Variants in VPS4B observed in about 807,000 individuals in gnomAD.
VPS4B encodes the protein vacuolar protein sorting 4 homolog B.
In VPS4B, 23 loss-of-function variants were observed where a neutral mutation model predicts 56.1. The ratio of observed to expected loss-of-function variants is 0.41; its 90% CI spans 0.30 to 0.58. The LOEUF (loss-of-function observed/expected upper bound fraction) is 0.58, where lower values mean the gene tolerates loss of function less well. VPS4B is among the 20% of genes least tolerant of loss of function. The probability of loss-of-function intolerance (pLI) is 0.29; values close to 1 mark genes in which losing one functional copy is unlikely to be tolerated. For missense variants in VPS4B, 372 were observed against 531.9 expected (o/e 0.70, Z 2.96); for synonymous variants, 177 against 186.0 (o/e 0.95, Z 0.39).
rs1317941592 is a variant in VPS4B, at chr18:63,389,502, CTT to C, written c.*1471_*1472del. On this transcript the variant is annotated 3_prime_UTR_variant, in exon 11 of 11. Transcript: ENST00000238497. ...AATTAGGGAATCTAGTTCATCCTAA[CTT>C]AATAGTCTTTTGCATGTATAGACAA... is the stretch of plus-strand genomic sequence containing the variant. 2.6e-5 allele frequency: 4 copies of C among 152,654 alleles called. No homozygotes were observed. The highest frequency in any genetic ancestry group is 5.9e-5 in the Non-Finnish European group (4 of 68,038). The allele number at this position is 152,654 out of a possible 1,614,324, so 9.5% of individuals were successfully genotyped here.
At position 63,396,889 on chromosome 18, in the gene VPS4B, C is replaced by A. The variant is rs1023164223; in HGVS notation, c.1092+145G>T. On this transcript the variant is annotated intron_variant, in intron 9 of 10. Transcript: ENST00000238497. ...CCTGTAATTCCAGCTACTCAGGAGG[C>A]TAAGGCATGAGAATTGCTTGAACCC... 4.3e-6 allele frequency: 3 copies of A among 703,630 alleles called. No individual in the cohort carries two copies. In the Admixed American group the frequency reaches 8.2e-5, roughly 19 times the overall value. 43.6% of individuals were successfully genotyped at this position (703,630 alleles called of 1,614,324 possible). A position where few individuals can be genotyped will look rare whatever the true frequency, so the allele number is the denominator to read the frequency against.
intron 1 of VPS4B, chr18:63,416,182 G>T: frequency 5.5e-6 from 1 of 180,624 alleles, no homozygotes; most frequent in South Asian, 1.4e-4. Flanking sequence ...CCACATCTAA[G>T]ACAAACTTGC....
intron 9 of VPS4B, among the ~76,000 whole-genome samples, chr18:63,394,223 A>C (rs1915619621): frequency 6.6e-6 from 1 of 152,228 alleles, no homozygotes; most frequent in African/African-American, 2.4e-5. Flanking sequence ...AAAAATTCTC[A>C]GAAGTTGCTC....
At chr18:63,396,771 C>G (rs1415616757) in intron 9 of VPS4B, 3 of 387,830 alleles carry the variant, frequency 7.7e-6, no homozygotes, top group Admixed American at 4.1e-5. Flanking sequence ...GGTGGATCAC[C>G]TGGAGTCAGG....
In VPS4B at chr18:63,404,954, G is replaced by A. The variant is rs146880126; in HGVS notation, c.365-1128C>T. ...AGTAAGAAAAAAGTAAATTCATTTC[G>A]TCTTTTTTATGTTTCATTAAGATTA... On this transcript the variant is annotated intron_variant, in intron 4 of 10. Transcript: ENST00000238497. Among the ~76,000 whole-genome samples the A allele has an allele frequency of 2.3e-3, 345 of 151,930 alleles. 6 individuals carry two copies. The highest frequency in any genetic ancestry group is 7.5e-3 in the East Asian group (39 of 5,178).
At chr18:63,407,598 G>A in intron 3 of VPS4B, 99 bp from the exon 4 acceptor site, 2 of 881,834 alleles carry the variant, frequency 2.3e-6, no homozygotes, top group African/African-American at 1.7e-5. Flanking sequence ...TAATTTCAGT[G>A]GCAAAATCAG....
rs946042521 is a variant in VPS4B, at chr18:63,410,397, T to C, written c.189A>G (p.Thr63=). The change falls in exon 3 of 11, where the codon ACA becomes ACG. Residue 63 remains threonine (T), a synonymous_variant. Transcript: ENST00000238497. The part of the protein sequence containing the change: ...KAKQSIRAKC[T]EYLDRAEKLK... Reference sequence around the variant, plus strand: ...GTTTTTCTGCTCTATCAAGATATTCTGTACACTTTGCCCTGATACTTTGCT... The same window carrying C: ...GTTTTTCTGCTCTATCAAGATATTCCGTACACTTTGCCCTGATACTTTGCT... 3.1e-6 allele frequency: 5 copies of C among 1,613,776 alleles called. No individual in the cohort carries two copies. The African/African-American group carries it at 6.7e-5, about 22-fold the overall frequency.
At chr18:63,399,663 A>T (rs1915766784) in intron 7 of VPS4B, among the ~76,000 whole-genome samples, 2 of 149,516 alleles carry the variant, frequency 1.3e-5, no homozygotes, top group Admixed American at 1.3e-4. Context: ...GAATACATTA[A>T]ATCTCTTTTC....
chr18:63,391,878 C>CA (rs1217056644), intron 10 of VPS4B, among the ~76,000 whole-genome samples: 1 of 152,016 alleles, frequency 6.6e-6, no homozygotes, highest in East Asian at 1.9e-4. Flanking sequence ...ATGCTAATAT[C>CA]AGAGATTCAT....
chr18:63,407,012 ACAAAATAAACCAT>A, intron 4 of VPS4B, among the ~76,000 whole-genome samples: 1 of 152,372 alleles, frequency 6.6e-6, no homozygotes, highest in South Asian at 2.1e-4. Context: ...CAGTTAAGAA[ACAAAATAAACCAT>A]CAATAAGTGA....
Position 63,390,797 on chromosome 18 carries a change from G to A in VPS4B, c.*178C>T. On this transcript the variant is annotated 3_prime_UTR_variant, in exon 11 of 11. Coordinates refer to ENST00000238497, the MANE Select transcript of VPS4B (RefSeq NM_004869.4). ...GTTATTTTGTACCTTTTGTTAATAG[G>A]AGTATTTAATAAGTAATGGAGGAAA... 2.1e-6 allele frequency: 1 copy of A among 469,328 alleles called. No homozygotes were observed. Among genetic ancestry groups the A allele is most frequent in the East Asian group, 3.7e-5 (1 of 27,008 alleles). 29.1% of individuals were successfully genotyped at this position (469,328 alleles called of 1,614,324 possible). A position where few individuals can be genotyped will look rare whatever the true frequency, so the allele number is the denominator to read the frequency against.
At chr18:63,422,197 C>T in intron 1 of VPS4B, 36 bp downstream of exon 1, 1 of 1,474,988 alleles carries the variant, frequency 6.8e-7, no homozygotes, top group Non-Finnish European at 9.0e-7. Context: ...CCCTCGATCC[C>T]AGCTCCCTAG....
chr18:63,414,528 A>C (rs1032960317), intron 1 of VPS4B, among the ~76,000 whole-genome samples: 12 of 151,978 alleles, frequency 7.9e-5, no homozygotes, highest in Non-Finnish European at 1.6e-4. Flanking sequence ...TCTGCCTCCC[A>C]GGTTCATGTG....
intron 1 of VPS4B, among the ~76,000 whole-genome samples, chr18:63,412,774 G>A (rs530929917): frequency 6.6e-6 from 1 of 152,208 alleles, no homozygotes; most frequent in Middle Eastern, 3.4e-3. Flanking sequence ...TGATCATCCT[G>A]CATCAGCCTC....
At chr18:63,421,338 T>C (rs906553319) in intron 1 of VPS4B, among the ~76,000 whole-genome samples, 1 of 152,172 alleles carries the variant, frequency 6.6e-6, no homozygotes, top group Non-Finnish European at 1.5e-5. Flanking sequence ...CCATTACCTT[T>C]GATGCCTCTG....
intron 2 of VPS4B, 150 bp from the exon 3 acceptor site, chr18:63,410,596 C>G: frequency 9.3e-7 from 1 of 1,070,238 alleles, no homozygotes; most frequent in South Asian, 1.5e-5. Flanking sequence ...CAATGATTAT[C>G]ACCTCTTTTC....
chr18:63,417,576 T>C (rs1252776716), intron 1 of VPS4B, among the ~76,000 whole-genome samples: 1 of 152,038 alleles, frequency 6.6e-6, no homozygotes, highest in African/African-American at 2.4e-5. Flanking sequence ...CTGGGACTCA[T>C]TTCTCTCTGT....
chr18:63,398,194 CA>C (rs1254063820), intron 8 of VPS4B, among the ~76,000 whole-genome samples: 2 of 104,900 alleles, frequency 1.9e-5, no homozygotes, highest in African/African-American at 4.4e-5. Context: ...CATATATACA[CA>C]CACACACACA....
chr18:63,407,126 T>G (rs1915936313), intron 4 of VPS4B, among the ~76,000 whole-genome samples: 1 of 152,188 alleles, frequency 6.6e-6, no homozygotes, highest in South Asian at 2.1e-4. Context: ...AGTGTGCTAA[T>G]AGTATAAGTG....
Sources: gnomAD v4.1 joint callset for allele counts (sites outside exome capture counted in the v4.1 genomes callset) on GRCh38, gnomAD v4.1.1 for gene constraint, MANE v1.5 for transcripts, NCBI Gene and HGNC (gene_info 2026-07-23, HGNC 2026-07-21) for gene names.